RAB11FIP4: variants seen among roughly 807,000 people sequenced by gnomAD.
The protein encoded by RAB11FIP4 is RAB11 family interacting protein 4, also known as rab11 family-interacting protein 4.
A neutral mutation model predicts 74.3 loss-of-function variants in RAB11FIP4; 23 were observed. That is an observed-to-expected ratio of 0.31 (90% CI 0.22 to 0.44). The LOEUF is 0.44. Ranked by LOEUF, RAB11FIP4 falls within the 20% of genes least tolerant of loss-of-function variation. The pLI is 1.00. For missense variants in RAB11FIP4, 630 were observed against 863.9 expected, an observed-to-expected ratio of 0.73 and a Z score of 3.39; for synonymous variants, 360 against 359.9, an observed-to-expected ratio of 1.00 and a Z score of 0.00.
chr17:31,425,802 A>AG (rs1338307239), intron 1 of RAB11FIP4, among the ~76,000 whole-genome samples: 2 of 152,122 alleles, frequency 1.3e-5, no homozygotes, highest in African/African-American at 4.8e-5. Context: ...TGGGAGCCAG[A>AG]GGGGGAGCCC....
At chr17:31,488,583 G>A (rs895086265) in intron 3 of RAB11FIP4, among the ~76,000 whole-genome samples, 7 of 152,248 alleles carry the variant, frequency 4.6e-5, no homozygotes, top group African/African-American at 1.7e-4. Flanking sequence ...GCCCTTGCGG[G>A]ATCGGCGTGG....
At chr17:31,459,121 T>C (rs1430080801) in intron 3 of RAB11FIP4, among the ~76,000 whole-genome samples, 2 of 152,114 alleles carry the variant, frequency 1.3e-5, no homozygotes, top group Non-Finnish European at 2.9e-5. Context: ...CTGCCTCTAG[T>C]CTGTTCCCTC....
intron 4 of RAB11FIP4, 136 bp from the exon 5 acceptor site, chr17:31,521,030 T>C: frequency 1.6e-6 from 1 of 627,114 alleles, no homozygotes; most frequent in East Asian, 2.8e-5. Flanking sequence ...GTCCCTGAAA[T>C]GTACTTACCA....
intron 3 of RAB11FIP4, among the ~76,000 whole-genome samples, chr17:31,489,218 C>T (rs1487682595): frequency 6.6e-6 from 1 of 152,174 alleles, no homozygotes. Context: ...CCTGCCCTGC[C>T]AGAGCAGGAG....
intron 3 of RAB11FIP4, among the ~76,000 whole-genome samples, chr17:31,508,658 C>T (rs2072398313): frequency 2.6e-5 from 4 of 152,234 alleles, no homozygotes; most frequent in Admixed American, 6.5e-5. Context: ...GGAGACCACT[C>T]GCTTAGCCCC....
chr17:31,428,367 G>A (rs890259413), intron 1 of RAB11FIP4, among the ~76,000 whole-genome samples: 8 of 152,164 alleles, frequency 5.3e-5, no homozygotes, highest in South Asian at 2.1e-4. Flanking sequence ...GTATGCCGGC[G>A]AGTCTGCCTG....
At chr17:31,428,560 C>A (rs1342123246) in intron 1 of RAB11FIP4, among the ~76,000 whole-genome samples, 5 of 152,016 alleles carry the variant, frequency 3.3e-5, no homozygotes, top group Admixed American at 6.6e-5. Context: ...CGGCAAGATG[C>A]CTGACAAGGA....
chr17:31,435,340 G>A (rs937704215), intron 3 of RAB11FIP4, among the ~76,000 whole-genome samples: 6 of 152,104 alleles, frequency 3.9e-5, no homozygotes, highest in Non-Finnish European at 7.3e-5. Flanking sequence ...ATCAGGAAGC[G>A]GGACAAAGAC....
Position 31,533,520 on chromosome 17 carries a change from G to C in RAB11FIP4, c.*1788G>C, listed in dbSNP as rs911367476. The C allele has an allele frequency of 6.6e-6, 1 of 152,352 alleles. No homozygotes were observed. The highest frequency in any genetic ancestry group is 1.5e-5 in the Non-Finnish European group (1 of 68,128). 9.4% of individuals were successfully genotyped at this position (152,352 alleles called of 1,614,324 possible). ...TCTCTTGAGAATTTGCCAATAGGAAGGAGTGGCCACGGCTGAAAGGAACAA... is the reference window on the plus strand; with the variant it reads ...TCTCTTGAGAATTTGCCAATAGGAACGAGTGGCCACGGCTGAAAGGAACAA... On this transcript the variant is annotated 3_prime_UTR_variant, in exon 15 of 15. Transcript: ENST00000621161.
chr17:31,438,946 T>C (rs563211972), intron 3 of RAB11FIP4, among the ~76,000 whole-genome samples: 2 of 152,056 alleles, frequency 1.3e-5, no homozygotes, highest in Non-Finnish European at 2.9e-5. Flanking sequence ...ACTGCTTCTC[T>C]TAAAAAAAAA....
intron 1 of RAB11FIP4, among the ~76,000 whole-genome samples, chr17:31,424,451 T>C (rs894547471): frequency 9.2e-5 from 14 of 152,176 alleles, no homozygotes; most frequent in Non-Finnish European, 1.6e-4. Flanking sequence ...TCTTTCTTTT[T>C]TTCTTTTGAG....
intron 1 of RAB11FIP4, among the ~76,000 whole-genome samples, chr17:31,425,573 G>C (rs1386588272): frequency 2.6e-5 from 4 of 152,194 alleles, no homozygotes; most frequent in African/African-American, 9.7e-5. Context: ...TGACCCAGGG[G>C]ACTGAGTGGG....
rs114695344 is a variant in RAB11FIP4, at chr17:31,449,312, C to T, written c.336+15190C>T. On this transcript the variant is annotated intron_variant, in intron 3 of 14. Coordinates refer to ENST00000621161, the MANE Select transcript of RAB11FIP4 (RefSeq NM_032932.6). ...CACAAACAGCCCCTCACCCACAGCA[C>T]CCGCACCACGCCCCTGCTGGGTCCT... 5.9e-3 allele frequency among the ~76,000 whole-genome samples: 905 copies of T among 152,282 alleles called. 7 individuals carry two copies. Among genetic ancestry groups the T allele is most frequent in the African/African-American group, 0.021 (869 of 41,538 alleles).
chr17:31,408,811 A>G (rs9912537), intron 1 of RAB11FIP4, among the ~76,000 whole-genome samples: 88,374 of 152,082 alleles, frequency 0.58, 27,721 homozygotes, highest in East Asian at 0.82. Context: ...GGGCAGGGGC[A>G]GTGGTCTTAA....
chr17:31,419,614 G>T (rs1204519992), intron 1 of RAB11FIP4, among the ~76,000 whole-genome samples: 1 of 150,176 alleles, frequency 6.7e-6, no homozygotes, highest in African/African-American at 2.5e-5. Context: ...GCAGTGGGGC[G>T]ATCTCGGCTC....
At chr17:31,462,064 C>T (rs1228661390) in intron 3 of RAB11FIP4, among the ~76,000 whole-genome samples, 1 of 152,018 alleles carries the variant, frequency 6.6e-6, no homozygotes, top group Non-Finnish European at 1.5e-5. Context: ...GAGTTCGAGA[C>T]CAGCCTGACC....
intron 4 of RAB11FIP4, among the ~76,000 whole-genome samples, chr17:31,518,135 C>T (rs2072594818): frequency 6.6e-6 from 1 of 152,070 alleles, no homozygotes; most frequent in African/African-American, 2.4e-5. Flanking sequence ...CCTAGCTGTG[C>T]AGGCAAAGGG....
chr17:31,446,889 C>T (rs961869528), intron 3 of RAB11FIP4, among the ~76,000 whole-genome samples: 2 of 152,148 alleles, frequency 1.3e-5, no homozygotes, highest in African/African-American at 2.4e-5. Context: ...AAGAAAGAAG[C>T]CTGTAATCCC....
At chr17:31,411,857 A>C (rs756113196) in intron 1 of RAB11FIP4, among the ~76,000 whole-genome samples, 40 of 152,208 alleles carry the variant, frequency 2.6e-4, no homozygotes, top group Non-Finnish European at 4.7e-4. Context: ...CCTTCCGAGG[A>C]GAAGGTGCAG....
Sources: allele counts gnomAD v4.1 joint callset (sites outside exome capture counted in the v4.1 genomes callset), GRCh38; gene constraint gnomAD v4.1.1; transcripts MANE v1.5; gene names NCBI Gene and HGNC (gene_info 2026-07-23, HGNC 2026-07-21).